The following PCBP4 variants were observed in gnomAD, a reference collection of about 807,000 sequenced individuals.
PCBP4 encodes the protein poly(rC) binding protein 4.
Under a neutral mutation model 46.2 loss-of-function variants are expected in PCBP4, and 24 were observed. The ratio of observed to expected loss-of-function variants is 0.52; its 90% CI spans 0.38 to 0.73. The LOEUF (loss-of-function observed/expected upper bound fraction) is 0.73. Among genes scored for constraint, PCBP4 ranks in the 30% least tolerant of loss-of-function variants. The probability of loss-of-function intolerance (pLI) is 0.00; values close to 1 mark genes in which losing one functional copy is unlikely to be tolerated. For synonymous variants in PCBP4, 203 were observed against 224.4 expected, an observed-to-expected ratio of 0.90 and a Z score of 0.85; for missense variants, 407 against 537.0, an observed-to-expected ratio of 0.76 and a Z score of 2.39.
intron 2 of PCBP4, chr3:51,961,585 C>T (rs1010160916): frequency 1.4e-5 from 5 of 367,448 alleles, no homozygotes; most frequent in Admixed American, 4.4e-5. Flanking sequence ...ACAATAAGCA[C>T]ATACATGGTA....
At position 51,957,963 on chromosome 3, in the gene PCBP4, G is replaced by C; in HGVS notation, c.*98C>G. On this transcript the variant is annotated 3_prime_UTR_variant, in exon 14 of 14. Coordinates refer to ENST00000461554, the MANE Select transcript of PCBP4 (RefSeq NM_001174100.2). ...ATCCATGCGTCTGGGCGTTAGCGGC[G>C]TTTGGGACCCCAGGGTGGAGTCTCC... 8.4e-7 allele frequency: 1 copy of C among 1,193,414 alleles called. No individual in the cohort carries two copies. Among genetic ancestry groups the C allele is most frequent in the Non-Finnish European group, 1.2e-6 (1 of 856,218 alleles). 73.9% of individuals were successfully genotyped at this position (1,193,414 alleles called of 1,614,324 possible).
At chr3:51,964,359 G>A (rs1700315986) in intron 1 of PCBP4, among the ~76,000 whole-genome samples, 1 of 152,228 alleles carries the variant, frequency 6.6e-6, no homozygotes, top group South Asian at 2.1e-4. Context: ...TTGTTCTGGA[G>A]CAAGAACAAT....
Position 51,959,067 on chromosome 3 carries a change from C to T in PCBP4, c.733G>A (p.Glu245Lys). The T allele has an allele frequency of 6.2e-7, 1 of 1,613,988 alleles. No individual in the cohort carries two copies. Among genetic ancestry groups the T allele is most frequent in the East Asian group, 2.2e-5 (1 of 44,878 alleles). ...LDPGTQTSSQ[E>K]FLVPNDLIGC... The stretch of plus-strand genomic sequence containing the variant: ...CTCACATCGTTGGGAACCAAGAACT[C>T]CTGTGAGCTGGTCTGTGTGCCGGGA... The change falls in exon 12 of 14, where the codon GAG becomes AAG. Residue 245 changes from glutamate (E) to lysine (K), a missense_variant. Transcript: ENST00000461554. This position sits in a 1 kb window ranked among gnomAD's most constrained non-coding sequence, Gnocchi z 5.6.
At position 51,958,416 on chromosome 3, in the gene PCBP4, G is replaced by T; in HGVS notation, c.924-67C>A. ...GAGTGAGAGAGGGGCAATGAGGGCA[G>T]AGATGGGCATGAGATTAGATGAAAG... On this transcript the variant is annotated intron_variant, in intron 13 of 13. Coordinates refer to ENST00000461554, the MANE Select transcript of PCBP4 (RefSeq NM_001174100.2). This position sits in a 1 kb window ranked among gnomAD's most constrained non-coding sequence, Gnocchi z 5.4. 1.8e-6 allele frequency: 2 copies of T among 1,107,546 alleles called. No individual in the cohort carries two copies. The highest frequency in any genetic ancestry group is 1.6e-5 in the African/African-American group (1 of 63,262). The allele number at this position is 1,107,546 out of a possible 1,614,324, so 68.6% of individuals were successfully genotyped here.
At chr3:51,961,462 G>T in intron 2 of PCBP4, 158 bp from the exon 3 acceptor site, 1 of 872,690 alleles carries the variant, frequency 1.1e-6, no homozygotes, top group Non-Finnish European at 1.7e-6. Flanking sequence ...GTGCTTATGT[G>T]TGTCTCACGA....
At chr3:51,967,273 G>C (rs1052252479) in intron 1 of PCBP4, 53 bp downstream of exon 1, 3 of 151,984 alleles carry the variant, frequency 2.0e-5, no homozygotes, top group Non-Finnish European at 4.4e-5. Flanking sequence ...CCTGCCCCCG[G>C]GCGAACCCCC....
intron 1 of PCBP4, among the ~76,000 whole-genome samples, chr3:51,964,203 G>A (rs1459356929): frequency 1.3e-5 from 2 of 152,192 alleles, no homozygotes; most frequent in African/African-American, 2.4e-5. Context: ...AGGAGGCGGG[G>A]GGGTGACAGC....
chr3:51,965,774 C>CA (rs2106775546), intron 1 of PCBP4, among the ~76,000 whole-genome samples: 1 of 152,312 alleles, frequency 6.6e-6, no homozygotes, highest in African/African-American at 2.4e-5. Flanking sequence ...CCTTTCTCAG[C>CA]ATCCCCAGCC....
chr3:51,959,342 G>A lies in PCBP4; in HGVS notation c.636+25C>T. On this transcript the variant is annotated intron_variant, in intron 10 of 13. Coordinates refer to ENST00000461554, the MANE Select transcript of PCBP4 (RefSeq NM_001174100.2). The surrounding 1 kb of genome is among the most constrained non-coding windows in gnomAD (Gnocchi z 5.6). ...CAGAGGAGGCATGGTTCAGGAAGGG[G>A]TGCCTTGGGCTATGGGTCACTCACC... 6.2e-7 allele frequency: 1 copy of A among 1,613,550 alleles called. No individual in the cohort carries two copies. The highest frequency in any genetic ancestry group is 8.5e-7 in the Non-Finnish European group (1 of 1,179,694).
Position 51,958,906 on chromosome 3 carries a change from C to T in PCBP4, c.807G>A (p.Gln269=). ...RQGSKISEIR[Q]MSGAHIKIGN... ...CGATCTTGATATGTGCCCCTGACAT[C>T]TGCCGGATCTCGCTGATCTTGCTGC... The change falls in exon 13 of 14, where the codon CAG becomes CAA. Residue 269 remains glutamine (Q), a synonymous_variant. Transcript: ENST00000461554. This position sits in a 1 kb window ranked among gnomAD's most constrained non-coding sequence, Gnocchi z 5.4. 1 of 1,614,008 alleles carries T rather than the reference C, an allele frequency of 6.2e-7. No individual in the cohort carries two copies. Among genetic ancestry groups the T allele is most frequent in the Non-Finnish European group, 8.5e-7 (1 of 1,179,968 alleles).
At chr3:51,966,525 G>A (rs1700436181) in intron 1 of PCBP4, among the ~76,000 whole-genome samples, 2 of 152,132 alleles carry the variant, frequency 1.3e-5, no homozygotes, top group African/African-American at 4.8e-5. Flanking sequence ...GATTGTAAGA[G>A]CCTTTGTGGC....
In PCBP4 at chr3:51,958,828, C is replaced by T. The variant is rs761829249; in HGVS notation, c.885G>A (p.Pro295=). ...GERHVTITGS[P]VSIALAQYLI... ...GGTACTGGGCCAGGGCGATGGAGAC[C>T]GGAGAGCCAGTGATGGTGACATGCC... is the stretch of plus-strand genomic sequence containing the variant. Residue 295 remains proline, a synonymous_variant, in exon 13 of 14, where the codon CCG becomes CCA. Transcript: ENST00000461554. This position sits in a 1 kb window ranked among gnomAD's most constrained non-coding sequence, Gnocchi z 5.4. The T allele has an allele frequency of 6.2e-6, 10 of 1,613,824 alleles. No individual in the cohort carries two copies. Among genetic ancestry groups the T allele is most frequent in the South Asian group, 2.2e-5 (2 of 91,080 alleles).
Position 51,958,905 on chromosome 3 carries a change from T to G in PCBP4, c.808A>C (p.Met270Leu). 1 of 1,613,930 alleles carries G rather than the reference T, an allele frequency of 6.2e-7. No homozygotes were observed. The highest frequency in any genetic ancestry group is 8.5e-7 in the Non-Finnish European group (1 of 1,179,952). Residue 270 changes from methionine (M) to leucine (L), a missense_variant, in exon 13 of 14, where the codon ATG becomes CTG. Coordinates refer to ENST00000461554, the MANE Select transcript of PCBP4 (RefSeq NM_001174100.2). The surrounding 1 kb of genome is among the most constrained non-coding windows in gnomAD (Gnocchi z 5.4). ...CCGATCTTGATATGTGCCCCTGACA[T>G]CTGCCGGATCTCGCTGATCTTGCTG... is the stretch of plus-strand genomic sequence containing the variant. Reference protein sequence around the residue: ...QGSKISEIRQMSGAHIKIGNQ... With the variant: ...QGSKISEIRQLSGAHIKIGNQ...
In PCBP4 at chr3:51,960,873, C is replaced by T. The variant is rs756284993; in HGVS notation, c.131G>A (p.Arg44Gln). ...GKKGETVKRI[R>Q]EQSSARITIS... ...CCCAAACTCCATCCTCACCTGCTCC[C>T]GGATTCGCTTTACAGTCTCGCCCTT... The change falls in exon 5 of 14, where the codon CGG becomes CAG. Residue 44 changes from arginine (R) to glutamine (Q), a missense_variant. Transcript: ENST00000461554. This position sits in a 1 kb window ranked among gnomAD's most constrained non-coding sequence, Gnocchi z 5.0. The T allele has an allele frequency of 1.9e-6, 3 of 1,613,950 alleles. No individual in the cohort carries two copies. Among genetic ancestry groups the T allele is most frequent in the Non-Finnish European group, 2.5e-6 (3 of 1,180,026 alleles).
At chr3:51,963,122 A>C (rs964034541) in intron 1 of PCBP4, 1 of 152,262 alleles carries the variant, frequency 6.6e-6, no homozygotes, top group Admixed American at 6.5e-5. Flanking sequence ...GTTCAGAGCC[A>C]GGCCAGAGAA....
intron 1 of PCBP4, among the ~76,000 whole-genome samples, chr3:51,965,583 G>A (rs1439477931): frequency 6.6e-6 from 1 of 152,220 alleles, no homozygotes; most frequent in Non-Finnish European, 1.5e-5. Context: ...GAGGAAATTT[G>A]AGACAAGACC....
chr3:51,964,108 C>A (rs534786263), intron 1 of PCBP4, among the ~76,000 whole-genome samples: 1 of 152,204 alleles, frequency 6.6e-6, no homozygotes, highest in African/African-American at 2.4e-5. Context: ...CCTCTGACCT[C>A]GGGCATTCCC....
rs369754008 is a variant in PCBP4 at position 51,961,225 on chromosome 3, C to T, written c.16G>A (p.Gly6Arg). The T allele has an allele frequency of 4.4e-5, 71 of 1,612,226 alleles. No homozygotes were observed. Among genetic ancestry groups the T allele is most frequent in the South Asian group, 5.5e-5 (5 of 91,054 alleles). MSGSD[G>R]GLEEEPELSI... is the part of the protein sequence containing the mutation. The stretch of plus-strand genomic sequence containing the variant: ...AGCTCTGGCTCCTCCTCCAGTCCCC[C>T]GTCCGAGCCGCTCATTCTGTCAGGC... Residue 6 changes from glycine (G) to arginine (R), a missense_variant, in exon 3 of 14, where the codon GGG (glycine) becomes AGG (arginine). Gly to Arg is a moderately radical substitution (Grantham distance 125). Transcript: ENST00000461554.
Position 51,959,239 on chromosome 3 carries a change from G to C in PCBP4, c.690C>G (p.Ser230Arg). ...SSHAVPFATP[S>R]VVPGLDPGTQ... ...GCAGGGGTGGCTTACCTGGCACCAC[G>C]CTGGGTGTGGCAAAGGGGACCGCAT... Residue 230 changes from serine (S) to arginine (R), a missense_variant, in exon 11 of 14, where the codon AGC (serine) becomes AGG (arginine). Physicochemically the swap from Ser to Arg is moderately radical, Grantham distance 110. Coordinates refer to ENST00000461554, the MANE Select transcript of PCBP4 (RefSeq NM_001174100.2). This position sits in a 1 kb window ranked among gnomAD's most constrained non-coding sequence, Gnocchi z 5.6. 1 of 1,613,958 alleles carries C rather than the reference G, an allele frequency of 6.2e-7. No homozygotes were observed. The highest frequency in any genetic ancestry group is 8.5e-7 in the Non-Finnish European group (1 of 1,179,954).
Sources: gnomAD v4.1 joint callset for allele counts (sites outside exome capture counted in the v4.1 genomes callset) on GRCh38, gnomAD v4.1.1 for gene constraint, Gnocchi (gnomAD v3.1) non-coding constraint, MANE v1.5 for transcripts, NCBI Gene and HGNC (gene_info 2026-07-23, HGNC 2026-07-21) for gene names.